The following NT5C3A variants were observed in gnomAD, a reference collection of about 807,000 sequenced individuals.
The protein encoded by NT5C3A is 5'-nucleotidase, cytosolic IIIA.
Under a neutral mutation model 40.0 loss-of-function variants are expected in NT5C3A, and 23 were observed. The observed-to-expected ratio is 0.58, with a 90% confidence interval of 0.41 to 0.81. The LOEUF is 0.81. NT5C3A is among the 40% of genes least tolerant of loss of function. The probability of loss-of-function intolerance (pLI) is 0.00; values close to 1 mark genes in which losing one functional copy is unlikely to be tolerated. For synonymous variants in NT5C3A, 130 were observed against 141.4 expected, an observed-to-expected ratio of 0.92 and a Z score of 0.57; for missense variants, 328 against 403.0, an observed-to-expected ratio of 0.81 and a Z score of 1.59.
chr7:33,059,109 G>C (rs930679680), intron 1 of NT5C3A, among the ~76,000 whole-genome samples: 1 of 152,068 alleles, frequency 6.6e-6, no homozygotes, highest in Non-Finnish European at 1.5e-5. Flanking sequence ...TTTTCTTCTC[G>C]CTGTAAAACT....
At position 33,062,590 on chromosome 7, in the gene NT5C3A, C is replaced by G. The variant is rs1359774091; in HGVS notation, c.116G>C (p.Arg39Pro). 6.2e-7 allele frequency: 1 copy of G among 1,610,226 alleles called. No homozygotes were observed. The highest frequency in any genetic ancestry group is 1.7e-5 in the Admixed American group (1 of 59,908). The change falls in exon 1 of 9, where the codon CGG (arginine) becomes CCG (proline). Residue 39 changes from arginine (R) to proline (P), a missense_variant. Around this residue, in one of 3 missense-constraint regions of NT5C3A, gnomAD observed 280 missense variants for 317.2 expected, o/e 0.88. Transcript: ENST00000610140. ...YIFTLKRKTG[R>P]KTKIIEMMPE... ...CACCATCTCGATGATCTTGGTCTTC[C>G]GCCCCGTCTTCCTCTTCAAGGTGAA...
intron 2 of NT5C3A, among the ~76,000 whole-genome samples, chr7:33,025,138 C>T (rs1417974361): frequency 2.0e-5 from 3 of 151,046 alleles, no homozygotes; most frequent in Admixed American, 1.3e-4. Context: ...GACTCCATCT[C>T]GAAAAAATAA....
At chr7:33,018,711 G>A (rs1420589513) in intron 6 of NT5C3A, among the ~76,000 whole-genome samples, 4 of 152,112 alleles carry the variant, frequency 2.6e-5, no homozygotes, top group East Asian at 1.9e-4. Flanking sequence ...TTAGCCGGGC[G>A]TGGTGGCGGG....
intron 1 of NT5C3A, among the ~76,000 whole-genome samples, chr7:33,028,386 A>G (rs1786065301): frequency 6.6e-6 from 1 of 152,242 alleles, no homozygotes; most frequent in Non-Finnish European, 1.5e-5. Context: ...AATGAAACTG[A>G]TTAGAGGAAA....
intron 5 of NT5C3A, among the ~76,000 whole-genome samples, chr7:33,020,062 G>C (rs965720949): frequency 6.6e-5 from 10 of 152,120 alleles, no homozygotes; most frequent in African/African-American, 2.4e-4. Flanking sequence ...GCAGTAAAAT[G>C]AATTAGAGCA....
At chr7:33,043,807 G>T (rs1487776598) in intron 1 of NT5C3A, among the ~76,000 whole-genome samples, 1 of 152,326 alleles carries the variant, frequency 6.6e-6, no homozygotes, top group East Asian at 1.9e-4. Flanking sequence ...GACTGGTGGG[G>T]TGTCCCTGGA....
chr7:33,049,371 G>T (rs552015927), intron 1 of NT5C3A, among the ~76,000 whole-genome samples: 2 of 152,108 alleles, frequency 1.3e-5, no homozygotes, highest in South Asian at 4.2e-4. Flanking sequence ...ATTAAAATGT[G>T]GCAGAGCTGA....
At chr7:33,049,227 C>G (rs1046997035) in intron 1 of NT5C3A, among the ~76,000 whole-genome samples, 2 of 152,068 alleles carry the variant, frequency 1.3e-5, no homozygotes, top group Non-Finnish European at 2.9e-5. Flanking sequence ...CATTGCCTGA[C>G]AAAGTCAAAA....
At chr7:33,018,968 T>C (rs1174121301) in intron 6 of NT5C3A, among the ~76,000 whole-genome samples, 1 of 152,188 alleles carries the variant, frequency 6.6e-6, no homozygotes, top group Non-Finnish European at 1.5e-5. Flanking sequence ...TAGGCTTATG[T>C]AAATTTAGAC....
chr7:33,032,400 G>A (rs764353474), intron 1 of NT5C3A, among the ~76,000 whole-genome samples: 3 of 141,350 alleles, frequency 2.1e-5, no homozygotes, highest in Non-Finnish European at 4.6e-5. Context: ...CCAAGCCTGG[G>A]TGACAGAGTG....
intron 1 of NT5C3A, among the ~76,000 whole-genome samples, chr7:33,056,069 C>T (rs1357748188): frequency 6.6e-6 from 1 of 152,116 alleles, no homozygotes; most frequent in South Asian, 2.1e-4. Context: ...ATCATCATGT[C>T]ATTGCATTCC....
chr7:33,062,479 G>T, intron 1 of NT5C3A, 89 bp downstream of exon 1: 5 of 1,250,782 alleles, frequency 4.0e-6, no homozygotes, highest in South Asian at 1.3e-5. Flanking sequence ...CGTCGCGACC[G>T]AACAGCGGCC....
intron 2 of NT5C3A, among the ~76,000 whole-genome samples, chr7:33,024,936 T>C (rs1043210993): frequency 1.3e-5 from 2 of 152,012 alleles, no homozygotes; most frequent in Non-Finnish European, 2.9e-5. Flanking sequence ...GGTCAGGAGT[T>C]TGAGATCAGC....
intron 1 of NT5C3A, among the ~76,000 whole-genome samples, chr7:33,043,887 C>T (rs1042822102): frequency 1.3e-5 from 2 of 152,168 alleles, no homozygotes; most frequent in African/African-American, 4.8e-5. Context: ...TGGCCCTTTA[C>T]ATACATTGTA....
chr7:33,021,379 A>G, intron 4 of NT5C3A, 22 bp from the exon 5 acceptor site: 1 of 1,605,800 alleles, frequency 6.2e-7, no homozygotes, highest in Non-Finnish European at 8.5e-7. Context: ...TGAATAACTT[A>G]ATCATGAAGA....
At chr7:33,038,345 C>G (rs1230099641) in intron 1 of NT5C3A, among the ~76,000 whole-genome samples, 1 of 152,068 alleles carries the variant, frequency 6.6e-6, no homozygotes, top group Admixed American at 6.5e-5. Flanking sequence ...TCTTTATTCT[C>G]TACCTCTGAA....
intron 1 of NT5C3A, among the ~76,000 whole-genome samples, chr7:33,054,920 T>C (rs1787511363): frequency 6.6e-6 from 1 of 152,218 alleles, no homozygotes; most frequent in Admixed American, 6.5e-5. Flanking sequence ...AATTGGGAGA[T>C]TAGCTTCCAC....
chr7:33,044,045 A>C (rs1787040412), intron 1 of NT5C3A, among the ~76,000 whole-genome samples: 1 of 148,248 alleles, frequency 6.7e-6, no homozygotes, highest in Admixed American at 6.8e-5. Context: ...TTTTTTTTTG[A>C]GACAGAGGTT....
intron 1 of NT5C3A, among the ~76,000 whole-genome samples, chr7:33,053,752 T>C (rs1308931637): frequency 6.6e-6 from 1 of 152,060 alleles, no homozygotes; most frequent in Non-Finnish European, 1.5e-5. Flanking sequence ...TAAAATTAAG[T>C]ATCCAGTTCA....
Sources: gnomAD v4.1 joint callset for allele counts (sites outside exome capture counted in the v4.1 genomes callset) on GRCh38, gnomAD v4.1.1 for gene constraint, gnomAD v4.1.1 regional missense constraint, MANE v1.5 for transcripts, NCBI Gene and HGNC (gene_info 2026-07-23, HGNC 2026-07-21) for gene names.